Variants in ATXN7L3 observed in about 807,000 individuals in gnomAD.
The protein encoded by ATXN7L3 is ataxin-7-like protein 3.
A neutral mutation model predicts 50.0 loss-of-function variants in ATXN7L3; 6 were observed. The ratio of observed to expected loss-of-function variants is 0.12; its 90% CI spans 0.07 to 0.24. The LOEUF (loss-of-function observed/expected upper bound fraction) is 0.24, where lower values mean the gene tolerates loss of function less well. Ranked by LOEUF, ATXN7L3 falls within the 10% of genes least tolerant of loss-of-function variation. The pLI, the probability that ATXN7L3 is intolerant of heterozygous loss-of-function variation, is 1.00. For synonymous variants in ATXN7L3, 198 were observed against 165.8 expected (o/e 1.19, Z -1.49); for missense variants, 322 against 451.3 (o/e 0.71, Z 2.60).
intron 2 of ATXN7L3, 81 bp from the exon 3 acceptor site, chr17:44,197,811 GCC>G: frequency 6.3e-7 from 1 of 1,590,510 alleles, no homozygotes; most frequent in Non-Finnish European, 8.6e-7. Flanking sequence ...CTGCCAACTG[GCC>G]CCAGCCAAAA....
rs796620411 is a variant in ATXN7L3, at chr17:44,197,011, G to A, written c.372C>T (p.Asn124=). 6.2e-7 allele frequency: 1 copy of A among 1,612,782 alleles called. No individual in the cohort carries two copies. Among genetic ancestry groups the A allele is most frequent in the Non-Finnish European group, 8.5e-7 (1 of 1,179,000 alleles). The change falls in exon 5 of 13, where the codon AAC becomes AAT. Residue 124 remains asparagine, a synonymous_variant. Transcript: ENST00000587097. The part of the protein sequence containing the change: ...RIANRRIANS[N]NMNKSESDQE... ...GGTCACTCTCAGACTTATTCATATT[G>A]TTGCTATTGGCAATCCTGCCAAGGG...
intron 3 of ATXN7L3, 35 bp downstream of exon 3, chr17:44,197,563 G>A (rs1389243072): frequency 6.2e-7 from 1 of 1,613,848 alleles, no homozygotes; most frequent in East Asian, 2.2e-5. Flanking sequence ...TCCCAGGGAA[G>A]GGCTGGACTG....
At chr17:44,197,575 T>G (rs138815733) in intron 3 of ATXN7L3, 23 bp downstream of exon 3, 411 of 1,614,200 alleles carry the variant, frequency 2.5e-4, no homozygotes, top group Non-Finnish European at 3.4e-4. Context: ...GCTGGACTGC[T>G]GCTCCTTCAC....
In ATXN7L3 at chr17:44,194,517, C is replaced by G. The variant is rs758811160; in HGVS notation, c.895G>C (p.Gly299Arg). 2 of 1,613,652 alleles carry G rather than the reference C, an allele frequency of 1.2e-6. No homozygotes were observed. The highest frequency in any genetic ancestry group is 1.7e-6 in the Non-Finnish European group (2 of 1,179,980). ...CCTAGGGCCCAACTGCATCACGTAC[C>G]TAGACCCCATCCCTGATTTTCACTC... ...KTSENQGWGL[G>R]TNSSESRKTK... The change falls in exon 12 of 13, where the codon GGT (glycine) becomes CGT (arginine). Residue 299 changes from glycine to arginine, a missense_variant and splice_region_variant. Around this residue, in one of 5 missense-constraint regions of ATXN7L3, gnomAD observed 122 missense variants for 130.8 expected, o/e 0.93. Coordinates refer to ENST00000587097, the MANE Select transcript of ATXN7L3 (RefSeq NM_001382309.1).
chr17:44,194,145 C>A lies in ATXN7L3; in HGVS notation c.*118G>T. ...ATAATCGGATCCTCTGCCTGCCTGGCCCACCAAGCTTCCCAAGCCCCAACC... is the reference window on the plus strand; with the variant it reads ...ATAATCGGATCCTCTGCCTGCCTGGACCACCAAGCTTCCCAAGCCCCAACC... On this transcript the variant is annotated 3_prime_UTR_variant, in exon 13 of 13. Transcript: ENST00000587097. 1 of 1,375,664 alleles carries A rather than the reference C, an allele frequency of 7.3e-7. No individual in the cohort carries two copies. 85.2% of individuals were successfully genotyped at this position (1,375,664 alleles called of 1,614,324 possible). A position where few individuals can be genotyped will look rare whatever the true frequency, so the allele number is the denominator to read the frequency against.
Position 44,192,204 on chromosome 17 carries a change from A to AG in ATXN7L3, c.*2058dup, listed in dbSNP as rs61416700. ...CCTAGCCCCTGTTCAACTACATGGT[A>AG]GGGGGGGCACTCTCTCCCCAGAAGG... On this transcript the variant is annotated 3_prime_UTR_variant, in exon 13 of 13. Transcript: ENST00000587097. 0.89 allele frequency: 135,915 copies of AG among 152,058 alleles called. 60,971 individuals are homozygous for AG. The highest frequency in any genetic ancestry group is 0.98 in the East Asian group (5,028 of 5,148). 9.4% of individuals were successfully genotyped at this position (152,058 alleles called of 1,614,324 possible). A position where few individuals can be genotyped will look rare whatever the true frequency, so the allele number is the denominator to read the frequency against.
At chr17:44,198,853 C>G (rs1442908381) in intron 1 of ATXN7L3, 1 of 152,618 alleles carries the variant, frequency 6.6e-6, no homozygotes, top group Non-Finnish European at 1.5e-5. Context: ...CCGGAAGTCT[C>G]TCCAAGAGCC....
At position 44,197,710 on chromosome 17, in the gene ATXN7L3, G is replaced by A. The variant is rs1396290725; in HGVS notation, c.72C>T (p.Tyr24=). The change falls in exon 3 of 13, where the codon TAC becomes TAT. Residue 24 remains tyrosine, a synonymous_variant. Transcript: ENST00000587097. ...AACAAGAATCCTCGACCAGGTCCGC[G>A]TATATCTCCTGAGCGATGGCCTGGG... The part of the protein sequence containing the change: ...SKLEAIAQEI[Y]ADLVEDSCLG... 56 of 1,614,130 alleles carry A rather than the reference G, an allele frequency of 3.5e-5. No individual in the cohort carries two copies. The highest frequency in any genetic ancestry group is 4.5e-5 in the East Asian group (2 of 44,900).
At chr17:44,199,474 C>CCCGTCT (rs1291917102) in intron 1 of ATXN7L3, 22 bp downstream of exon 1, 3 of 145,130 alleles carry the variant, frequency 2.1e-5, no homozygotes, top group Non-Finnish European at 4.6e-5. Context: ...CGTCCCCGTC[C>CCCGTCT]CCGTCTCCGT....
chr17:44,196,284 C>G, intron 6 of ATXN7L3, 112 bp downstream of exon 6: 1 of 1,368,242 alleles, frequency 7.3e-7, no homozygotes, highest in Non-Finnish European at 1.0e-6. Context: ...AAGACACCCT[C>G]AAGCCCCCAA....
intron 1 of ATXN7L3, 178 bp from the exon 2 acceptor site, chr17:44,198,308 A>G (rs1422847132): frequency 2.1e-5 from 11 of 519,476 alleles, no homozygotes; most frequent in Non-Finnish European, 3.7e-5. Context: ...AAGGGGGCCT[A>G]GTCTTTCCCA....
At chr17:44,197,898 C>T (rs2055977105) in intron 2 of ATXN7L3, 122 bp downstream of exon 2, 2 of 1,502,436 alleles carry the variant, frequency 1.3e-6, no homozygotes, top group East Asian at 2.3e-5. Context: ...GCTTTTTCAG[C>T]TGGCTATTCC....
intron 5 of ATXN7L3, 129 bp downstream of exon 5, chr17:44,196,799 AG>A: frequency 4.1e-5 from 24 of 585,104 alleles, no homozygotes; most frequent in South Asian, 1.0e-4. Flanking sequence ...AAAAAAAAAA[AG>A]GAAAAGGAAA....
At position 44,194,529 on chromosome 17, in the gene ATXN7L3, C is replaced by G. The variant is rs777941317; in HGVS notation, c.883G>C (p.Gly295Arg). 8.1e-6 allele frequency: 13 copies of G among 1,613,686 alleles called. No individual in the cohort carries two copies. The South Asian group carries it at 1.4e-4, about 18-fold the overall frequency. Reference protein sequence around the residue: ...SGSSKTSENQGWGLGTNSSES... With the variant: ...SGSSKTSENQRWGLGTNSSES... The stretch of plus-strand genomic sequence containing the variant: ...CTGCATCACGTACCTAGACCCCATC[C>G]CTGATTTTCACTCGTCTTGGAGGAG... The change falls in exon 12 of 13, where the codon GGA becomes CGA. Residue 295 changes from glycine to arginine, a missense_variant. By Grantham distance (125) the Gly-to-Arg change is moderately radical. Around this residue, in one of 5 missense-constraint regions of ATXN7L3, gnomAD observed 122 missense variants for 130.8 expected, o/e 0.93. Transcript: ENST00000587097.
intron 2 of ATXN7L3, 133 bp downstream of exon 2, chr17:44,197,887 G>C: frequency 6.6e-7 from 1 of 1,509,082 alleles, no homozygotes; most frequent in South Asian, 1.2e-5. Flanking sequence ...CTGGATCCTT[G>C]GCTTTTTCAG....
Position 44,191,812 on chromosome 17 carries a change from G to T in ATXN7L3, c.*2451C>A. 1 of 854,518 alleles carries T rather than the reference G, an allele frequency of 1.2e-6. No individual in the cohort carries two copies. The highest frequency in any genetic ancestry group is 5.4e-5 in the South Asian group (1 of 18,658). 52.9% of individuals were successfully genotyped at this position (854,518 alleles called of 1,614,324 possible). A position where few individuals can be genotyped will look rare whatever the true frequency, so the allele number is the denominator to read the frequency against. ...GAGTAGGTAGGCCGGGGCTACCAAC[G>T]GGAGATGCAGTTTATTTACACCAGC... is the stretch of plus-strand genomic sequence containing the variant. On this transcript the variant is annotated 3_prime_UTR_variant, in exon 13 of 13. Transcript: ENST00000587097.
At chr17:44,195,901 G>A in intron 7 of ATXN7L3, 73 bp from the exon 8 acceptor site, 2 of 1,574,434 alleles carry the variant, frequency 1.3e-6, no homozygotes, top group East Asian at 2.2e-5. Context: ...AATAACCAGA[G>A]AGGAAGTGGG....
rs1217484794 is a variant in ATXN7L3, at chr17:44,194,771, G to A, written c.734C>T (p.Ser245Leu). The A allele has an allele frequency of 3.1e-6, 5 of 1,614,124 alleles. No homozygotes were observed. In the South Asian group the frequency reaches 3.3e-5, roughly 11 times the overall value. Residue 245 changes from serine to leucine, a missense_variant, in exon 11 of 13, where the codon TCG becomes TTG. Transcript: ENST00000587097. The part of the protein sequence containing the change: ...RTVRIYFLGP[S>L]AVLPEVESSL... The stretch of plus-strand genomic sequence containing the variant: ...CCCTTCCTGTAGGGCCACTTACGCC[G>A]AGGGCCCGAGAAAATAAATCCGTAC...
At chr17:44,195,999 G>A (rs751166385) in intron 7 of ATXN7L3, 35 bp downstream of exon 7, 14 of 1,592,154 alleles carry the variant, frequency 8.8e-6, no homozygotes, top group African/African-American at 1.3e-5. Context: ...AGAAGACACA[G>A]CTAGAAGCAT....
Sources: gnomAD v4.1 joint callset for allele counts on GRCh38, gnomAD v4.1.1 for gene constraint, gnomAD v4.1.1 regional missense constraint, MANE v1.5 for transcripts, NCBI Gene and HGNC (gene_info 2026-07-23, HGNC 2026-07-21) for gene names.